VPS26C: variants seen among roughly 807,000 people sequenced by gnomAD.
VPS26C encodes VPS26 endosomal protein sorting factor C.
A neutral mutation model predicts 30.6 loss-of-function variants in VPS26C; 19 were observed. That is an observed-to-expected ratio of 0.62 (90% confidence interval 0.43 to 0.91). VPS26C has a LOEUF of 0.91. Ranked by LOEUF, VPS26C falls within the 40% of genes least tolerant of loss-of-function variation. The pLI, the probability that VPS26C is intolerant of heterozygous loss-of-function variation, is 0.00. For synonymous variants in VPS26C, 132 were observed against 151.5 expected, an observed-to-expected ratio of 0.87 and a Z score of 0.95; for missense variants, 318 against 385.1, an observed-to-expected ratio of 0.83 and a Z score of 1.46.
At chr21:37,253,159 A>T (rs2086210642) in intron 1 of VPS26C, among the ~76,000 whole-genome samples, 1 of 152,236 alleles carries the variant, frequency 6.6e-6, no homozygotes, top group South Asian at 2.1e-4. Context: ...TAGCAATGAA[A>T]CTGTAACAAA....
intron 1 of VPS26C, among the ~76,000 whole-genome samples, chr21:37,255,850 C>CTTTTTTTTTTTTTTTTTTT (rs2086236577): frequency 4.7e-5 from 3 of 63,482 alleles, no homozygotes; most frequent in Admixed American, 2.0e-4. Flanking sequence ...CTATGCACTG[C>CTTTTTTTTTTTTTTTTTTT]ATTTTTTTTT....
rs1054945511 is a variant in VPS26C at position 37,257,588 on chromosome 21, G to A, written c.57+9650C>T. Among the ~76,000 whole-genome samples the A allele has an allele frequency of 2.6e-5, 4 of 152,210 alleles. No homozygotes were observed. Among genetic ancestry groups the A allele is most frequent in the African/African-American group, 9.7e-5 (4 of 41,446 alleles). On this transcript the variant is annotated intron_variant, in intron 1 of 7. Transcript: ENST00000309117. The surrounding 1 kb of genome is among the most constrained non-coding windows in gnomAD (Gnocchi z 4.2). Reference sequence around the variant, plus strand: ...TGATGAAAAAAGGAACGCGTGAAATGGGGAGTGTTAGGGCGTCACAAACTC... The same window carrying A: ...TGATGAAAAAAGGAACGCGTGAAATAGGGAGTGTTAGGGCGTCACAAACTC...
At chr21:37,240,772 C>G in intron 1 of VPS26C, 133 bp from the exon 2 acceptor site, 1 of 1,252,454 alleles carries the variant, frequency 8.0e-7, no homozygotes, top group Non-Finnish European at 1.1e-6. Flanking sequence ...ACCTGGATAC[C>G]AGGGTGGAGA....
Position 37,257,115 on chromosome 21 carries a change from G to A in VPS26C, c.57+10123C>T, listed in dbSNP as rs2086251379. ...CCACTGCACTCCAGCCTGGGTGACA[G>A]AGTGAGGCTCTGTCTCAAAAAAACA... On this transcript the variant is annotated intron_variant, in intron 1 of 7. Transcript: ENST00000309117. This position sits in a 1 kb window ranked among gnomAD's most constrained non-coding sequence, Gnocchi z 4.2. 6.6e-6 allele frequency among the ~76,000 whole-genome samples: 1 copy of A among 152,176 alleles called. No individual in the cohort carries two copies. The highest frequency in any genetic ancestry group is 2.4e-5 in the African/African-American group (1 of 41,424).
At chr21:37,267,637 G>A (rs1037557959), upstream of VPS26C, 2 of 322,116 alleles carry the variant, frequency 6.2e-6, no homozygotes, top group African/African-American at 2.2e-5. Flanking sequence ...GCGGAGGGAG[G>A]GAGGAACGGC....
intron 3 of VPS26C, among the ~76,000 whole-genome samples, chr21:37,235,872 TA>T (rs56666206): frequency 0.31 from 27,559 of 89,830 alleles, 3,006 homozygotes; most frequent in African/African-American, 0.35. Flanking sequence ...TATATATATA[TA>T]TATATATTTT....
At chr21:37,254,812 AAAT>A (rs200020079) in intron 1 of VPS26C, among the ~76,000 whole-genome samples, 1 of 148,530 alleles carries the variant, frequency 6.7e-6, no homozygotes. Flanking sequence ...TAGAAAAAAA[AAAT>A]AAATAAAAGA....
In VPS26C at chr21:37,226,674, C is replaced by G. The variant is rs1638364814; in HGVS notation, c.811+980G>C. 6.6e-6 allele frequency: 1 copy of G among 152,212 alleles called. No individual in the cohort carries two copies. The highest frequency in any genetic ancestry group is 6.5e-5 in the Admixed American group (1 of 15,278). The allele number at this position is 152,212 out of a possible 1,614,324, so 9.4% of individuals were successfully genotyped here. On this transcript the variant is annotated intron_variant, in intron 7 of 7. Transcript: ENST00000309117. This position sits in a 1 kb window ranked among gnomAD's most constrained non-coding sequence, Gnocchi z 4.1. ...AGCTGCACTGGAGCCGCCATGATAC[C>G]CAGGCGCTGCTTAGAGTCCGAGTGA...
chr21:37,236,351 CATGA>C (rs1455520760), intron 3 of VPS26C, among the ~76,000 whole-genome samples: 3 of 152,018 alleles, frequency 2.0e-5, no homozygotes, highest in African/African-American at 4.8e-5. Flanking sequence ...CAAATAATGG[CATGA>C]ATGAATGAAT....
rs1569228766 is a variant in VPS26C, at chr21:37,224,512, A to T, written c.*1032T>A. The stretch of plus-strand genomic sequence containing the variant: ...CCAGTGCACTCAGCCTGCGTGACAC[A>T]GTTTGGAAAACTGTCTCTCTCTATG... On this transcript the variant is annotated 3_prime_UTR_variant, in exon 8 of 8. Coordinates refer to ENST00000309117, the MANE Select transcript of VPS26C (RefSeq NM_006052.2). The T allele has an allele frequency of 6.6e-6, 1 of 152,212 alleles. No homozygotes were observed. Among genetic ancestry groups the T allele is most frequent in the Non-Finnish European group, 1.5e-5 (1 of 68,058 alleles). 9.4% of individuals were successfully genotyped at this position (152,212 alleles called of 1,614,324 possible). A position where few individuals can be genotyped will look rare whatever the true frequency, so the allele number is the denominator to read the frequency against.
chr21:37,227,159 T>G, intron 7 of VPS26C: 1 of 153,358 alleles, frequency 6.5e-6, no homozygotes, highest in Non-Finnish European at 1.5e-5. Flanking sequence ...CACTCTGGGG[T>G]TTTCACGGGT....
chr21:37,236,053 C>G (rs987880384), intron 3 of VPS26C, among the ~76,000 whole-genome samples: 1 of 151,912 alleles, frequency 6.6e-6, no homozygotes, highest in African/African-American at 2.4e-5. Context: ...ATCCTTTATT[C>G]TGATTTATGA....
Position 37,253,244 on chromosome 21 carries a change from CT to C in VPS26C, c.58-12606del, listed in dbSNP as rs148132486. Among the ~76,000 whole-genome samples, 691 of 152,266 alleles carry C rather than the reference CT, an allele frequency of 4.5e-3. 10 individuals carry two copies. The highest frequency in any genetic ancestry group is 0.015 in the African/African-American group (624 of 41,536). ...GAGAAATAATACCATCATTTGACAACTTTTTTGGCATGCTTGCTGTATCAGA... is the reference window on the plus strand; with the variant it reads ...GAGAAATAATACCATCATTTGACAACTTTTTGGCATGCTTGCTGTATCAGA... On this transcript the variant is annotated intron_variant, in intron 1 of 7. Coordinates refer to ENST00000309117, the MANE Select transcript of VPS26C (RefSeq NM_006052.2).
At chr21:37,235,880 T>TATA (rs1491429073) in intron 3 of VPS26C, among the ~76,000 whole-genome samples, 2 of 98,448 alleles carry the variant, frequency 2.0e-5, no homozygotes, top group Non-Finnish European at 4.2e-5. Context: ...TATATATATA[T>TATA]TTTTTTTTTT....
At chr21:37,241,284 C>T (rs982105458) in intron 1 of VPS26C, among the ~76,000 whole-genome samples, 1 of 152,146 alleles carries the variant, frequency 6.6e-6, no homozygotes, top group Non-Finnish European at 1.5e-5. Flanking sequence ...GCCTCCATTC[C>T]CTTGGTTCAC....
Position 37,257,802 on chromosome 21 carries a change from C to T in VPS26C, c.57+9436G>A, listed in dbSNP as rs1446283381. On this transcript the variant is annotated intron_variant, in intron 1 of 7. Transcript: ENST00000309117. This position sits in a 1 kb window ranked among gnomAD's most constrained non-coding sequence, Gnocchi z 4.2. ...CGGGGACAAAGGGGCAGCAAGGGAC[C>T]GGCGGAAAGGAAAGTCGGCGTTAGC... Among the ~76,000 whole-genome samples, 7 of 152,114 alleles carry T rather than the reference C, an allele frequency of 4.6e-5. No homozygotes were observed. The highest frequency in any genetic ancestry group is 1.0e-4 in the Non-Finnish European group (7 of 68,016).
chr21:37,265,272 A>G (rs1018401868), intron 1 of VPS26C, among the ~76,000 whole-genome samples: 1 of 152,238 alleles, frequency 6.6e-6, no homozygotes, highest in Non-Finnish European at 1.5e-5. Flanking sequence ...CAAAGGGTAA[A>G]TTTCGTATTT....
At chr21:37,238,235 G>T (rs925994439) in intron 3 of VPS26C, 3 of 517,872 alleles carry the variant, frequency 5.8e-6, no homozygotes, top group African/African-American at 2.0e-5. Flanking sequence ...AGAGGGAAAA[G>T]AAGTTACAGC....
intron 1 of VPS26C, among the ~76,000 whole-genome samples, chr21:37,253,881 C>A (rs2086217251): frequency 6.6e-6 from 1 of 152,190 alleles, no homozygotes; most frequent in Non-Finnish European, 1.5e-5. Context: ...TCTACAAATA[C>A]TCCAAATCTG....
Sources: allele counts gnomAD v4.1 joint callset (sites outside exome capture counted in the v4.1 genomes callset), GRCh38; gene constraint gnomAD v4.1.1; non-coding constraint Gnocchi (gnomAD v3.1); transcripts MANE v1.5; gene names NCBI Gene and HGNC (gene_info 2026-07-23, HGNC 2026-07-21).